SNAP29: variants seen among roughly 807,000 people sequenced by gnomAD.
The protein encoded by SNAP29 is synaptosome associated protein 29, also known as synaptosomal-associated protein 29.
SNAP29 carries 13 observed loss-of-function variants against 27.9 expected under a neutral mutation model. That is an observed-to-expected ratio of 0.47 (90% CI 0.30 to 0.74). SNAP29 has a LOEUF of 0.74. SNAP29 is among the 30% of genes least tolerant of loss of function. The probability of loss-of-function intolerance (pLI) is 0.06; values close to 1 mark genes in which losing one functional copy is unlikely to be tolerated. For synonymous variants in SNAP29, 119 were observed against 127.1 expected, an observed-to-expected ratio of 0.94 and a Z score of 0.43; for missense variants, 368 against 336.5, an observed-to-expected ratio of 1.09 and a Z score of -0.73.
intron 1 of SNAP29, 192 bp downstream of exon 1, chr22:20,859,539 G>A (rs1298995607): frequency 3.3e-6 from 2 of 604,658 alleles, no homozygotes; most frequent in Non-Finnish European, 6.0e-6. Context: ...CTTGAAGAGG[G>A]CAGTTTACCC....
chr22:20,877,523 C>T lies in SNAP29; in HGVS notation c.435-3526C>T, dbSNP rs563594837. 1.6e-4 allele frequency among the ~76,000 whole-genome samples: 24 copies of T among 151,782 alleles called. No individual in the cohort carries two copies. The South Asian group carries it at 5.0e-3, about 32-fold the overall frequency. ...GTAAGCCAAGATCGCACCATTGTAC[C>T]CCAGCCTGGGCAACAAGAGCAGAAC... On this transcript the variant is annotated intron_variant, in intron 2 of 4. Transcript: ENST00000215730.
In SNAP29 at chr22:20,859,057, G is replaced by A. The variant is rs181613620; in HGVS notation, c.-54G>A. 1.2e-5 allele frequency: 17 copies of A among 1,466,348 alleles called. No homozygotes were observed. Among genetic ancestry groups the A allele is most frequent in the South Asian group, 9.5e-5 (8 of 84,638 alleles). The allele number at this position is 1,466,348 out of a possible 1,614,324, so 90.8% of individuals were successfully genotyped here. On this transcript the variant is annotated 5_prime_UTR_variant, in exon 1 of 5. Transcript: ENST00000215730. ...CGGGCGGGGCGAGGCCCTGGACGGC[G>A]GCGGCAGTGGGGCTCCTCCTTCTGT...
chr22:20,886,926 T>A (rs1203574161), intron 4 of SNAP29, among the ~76,000 whole-genome samples: 1 of 151,814 alleles, frequency 6.6e-6, no homozygotes, highest in African/African-American at 2.4e-5. Context: ...ACTACCTTTT[T>A]AAAAAAACTG....
Position 20,888,014 on chromosome 22 carries a change from C to T in SNAP29, c.*178C>T. The T allele has an allele frequency of 1.5e-6, 1 of 658,538 alleles. No individual in the cohort carries two copies. The highest frequency in any genetic ancestry group is 2.6e-6 in the Non-Finnish European group (1 of 380,878). The allele number at this position is 658,538 out of a possible 1,614,324, so 40.8% of individuals were successfully genotyped here. On this transcript the variant is annotated 3_prime_UTR_variant, in exon 5 of 5. Coordinates refer to ENST00000215730, the MANE Select transcript of SNAP29 (RefSeq NM_004782.4). ...AAGGAAGTGTTTGTCCCACATTTTC[C>T]TAGGGTTAACACCTCACCAAGTTCT...
intron 3 of SNAP29, among the ~76,000 whole-genome samples, chr22:20,882,629 T>C (rs926361418): frequency 6.6e-6 from 1 of 152,138 alleles, no homozygotes; most frequent in Admixed American, 6.5e-5. Flanking sequence ...GAAGTGAGTG[T>C]AAATTGAAAG....
At chr22:20,875,147 G>T (rs1176436275) in intron 2 of SNAP29, among the ~76,000 whole-genome samples, 4 of 152,116 alleles carry the variant, frequency 2.6e-5, no homozygotes, top group African/African-American at 9.7e-5. Flanking sequence ...CCCAGCAAAG[G>T]CTTCCATCAG....
chr22:20,871,861 G>A (rs771989749), intron 2 of SNAP29, among the ~76,000 whole-genome samples: 7 of 151,882 alleles, frequency 4.6e-5, no homozygotes, highest in Admixed American at 2.0e-4. Flanking sequence ...CAGCCTGGGC[G>A]ACAGAGCAAG....
chr22:20,870,241 C>T (rs1928554110), intron 1 of SNAP29, 96 bp from the exon 2 acceptor site: 7 of 1,081,578 alleles, frequency 6.5e-6, no homozygotes, highest in Non-Finnish European at 1.0e-5. Flanking sequence ...GATGTGCCCA[C>T]TGAGAGTTTA....
rs1064795236 is a variant in SNAP29 at position 20,887,681 on chromosome 22, G to C, written c.622G>C (p.Glu208Gln). The C allele has an allele frequency of 6.2e-7, 1 of 1,614,178 alleles. No individual in the cohort carries two copies. The highest frequency in any genetic ancestry group is 8.5e-7 in the Non-Finnish European group (1 of 1,180,044). The change falls in exon 5 of 5, where the codon GAG becomes CAG. Residue 208 changes from glutamate to glutamine, a missense_variant and splice_region_variant. Glu to Gln is a conservative substitution (Grantham distance 29). Transcript: ENST00000215730. ...YHQKIDSNLD[E>Q]LSMGLGRLKD... is the part of the protein sequence containing the mutation. ...CGTGTCATTTCCTCCTCCTGCAGAT[G>C]AGCTGTCCATGGGACTGGGTCGTCT...
intron 2 of SNAP29, among the ~76,000 whole-genome samples, chr22:20,874,317 G>GAC (rs368789277): frequency 0.1 from 11,907 of 118,032 alleles, 854 homozygotes; most frequent in African/African-American, 0.22. Flanking sequence ...GACACACACA[G>GAC]ACACACACAC....
chr22:20,877,021 T>A (rs956206468), intron 2 of SNAP29, among the ~76,000 whole-genome samples: 21 of 152,180 alleles, frequency 1.4e-4, no homozygotes, highest in African/African-American at 4.8e-4. Flanking sequence ...CTGTCACATA[T>A]GCACCCTTAA....
chr22:20,869,166 A>G (rs1449771518), intron 1 of SNAP29, among the ~76,000 whole-genome samples: 1 of 152,248 alleles, frequency 6.6e-6, no homozygotes, highest in African/African-American at 2.4e-5. Flanking sequence ...AGACTGAGGC[A>G]GGAGAATCGC....
chr22:20,865,762 G>A (rs1928443977), intron 1 of SNAP29, among the ~76,000 whole-genome samples: 1 of 152,190 alleles, frequency 6.6e-6, no homozygotes, highest in African/African-American at 2.4e-5. Context: ...AGCGTCCAGG[G>A]GAAACCAGGC....
chr22:20,869,336 G>C (rs187661816), intron 1 of SNAP29, among the ~76,000 whole-genome samples: 4 of 152,170 alleles, frequency 2.6e-5, no homozygotes, highest in Non-Finnish European at 4.4e-5. Flanking sequence ...GTCTGGGAAG[G>C]CCTCTCTGAG....
chr22:20,881,208 G>A (rs1259293563), intron 3 of SNAP29, 74 bp downstream of exon 3: 2 of 1,046,866 alleles, frequency 1.9e-6, no homozygotes, highest in East Asian at 2.5e-5. Context: ...TTGGTCCTTG[G>A]GGGGCAGTGG....
intron 2 of SNAP29, among the ~76,000 whole-genome samples, chr22:20,879,222 G>T (rs771541200): frequency 6.6e-6 from 1 of 151,864 alleles, no homozygotes; most frequent in Non-Finnish European, 1.5e-5. Flanking sequence ...CAGGAGAATG[G>T]TGTAAACCTG....
intron 1 of SNAP29, among the ~76,000 whole-genome samples, chr22:20,861,956 A>G (rs1310891292): frequency 6.6e-6 from 1 of 152,080 alleles, no homozygotes; most frequent in East Asian, 1.9e-4. Context: ...TTTTTAGTAG[A>G]GACAGGTTTC....
chr22:20,886,547 G>T lies in SNAP29; in HGVS notation c.620-1132G>T, dbSNP rs367690648. Among the ~76,000 whole-genome samples the T allele has an allele frequency of 1.2e-4, 18 of 151,990 alleles. No individual in the cohort carries two copies. The East Asian group carries it at 1.8e-3, about 15-fold the overall frequency. On this transcript the variant is annotated intron_variant, in intron 4 of 4. Transcript: ENST00000215730. ...TGGTCTCGATCTCCTGACCTCAAGTGATCCACCCACCTCGGCCTCCCAAAG... is the reference window on the plus strand; with the variant it reads ...TGGTCTCGATCTCCTGACCTCAAGTTATCCACCCACCTCGGCCTCCCAAAG...
chr22:20,863,048 C>A (rs201352790), intron 1 of SNAP29, among the ~76,000 whole-genome samples: 1 of 152,180 alleles, frequency 6.6e-6, no homozygotes, highest in Non-Finnish European at 1.5e-5. Context: ...CCACCACACT[C>A]GACTAATTTT....
Sources: gnomAD v4.1 joint callset for allele counts (sites outside exome capture counted in the v4.1 genomes callset) on GRCh38, gnomAD v4.1.1 for gene constraint, MANE v1.5 for transcripts, NCBI Gene and HGNC (gene_info 2026-07-23, HGNC 2026-07-21) for gene names.